The following EPC2 variants were observed in gnomAD, a reference collection of about 807,000 sequenced individuals.
The protein encoded by EPC2 is enhancer of polycomb homolog 2.
A neutral mutation model predicts 92.1 loss-of-function variants in EPC2; 14 were observed. That is an observed-to-expected ratio of 0.15 (90% CI 0.10 to 0.24). The LOEUF (loss-of-function observed/expected upper bound fraction) is 0.24. EPC2 is among the 10% of genes least tolerant of loss of function. EPC2 has a pLI of 1.00. For synonymous variants in EPC2, 340 were observed against 334.7 expected (o/e 1.02, Z -0.17); for missense variants, 755 against 971.5 (o/e 0.78, Z 2.96).
intron 2 of EPC2, among the ~76,000 whole-genome samples, chr2:148,739,044 C>G (rs925978393): frequency 6.6e-6 from 1 of 152,142 alleles, no homozygotes; most frequent in African/African-American, 2.4e-5. Context: ...GAACATGTAC[C>G]CAGAAGCTGT....
intron 1 of EPC2, among the ~76,000 whole-genome samples, chr2:148,658,438 C>T (rs1680851323): frequency 6.6e-6 from 1 of 152,020 alleles, no homozygotes; most frequent in South Asian, 2.1e-4. Context: ...CAGAGTGTCA[C>T]CTTGTTTGAC....
chr2:148,678,457 G>A (rs7596487), intron 1 of EPC2, among the ~76,000 whole-genome samples: 27,158 of 152,250 alleles, frequency 0.18, 3,495 homozygotes, highest in East Asian at 0.48. Flanking sequence ...AGGGGGTGGC[G>A]CTTGTTGAGG....
At chr2:148,769,371 A>C (rs1333795931) in intron 8 of EPC2, 131 bp downstream of exon 8, 1 of 661,656 alleles carries the variant, frequency 1.5e-6, no homozygotes, top group African/African-American at 1.8e-5. Flanking sequence ...CTTTATGTGG[A>C]TACTGGTAAA....
chr2:148,768,984 C>A (rs1467034706), intron 7 of EPC2, among the ~76,000 whole-genome samples, 167 bp from the exon 8 acceptor site: 1 of 152,160 alleles, frequency 6.6e-6, no homozygotes, highest in Non-Finnish European at 1.5e-5. Context: ...TGATTTTTAA[C>A]TATAGAAAAT....
intron 1 of EPC2, among the ~76,000 whole-genome samples, chr2:148,673,281 G>T (rs903278106): frequency 1.3e-5 from 2 of 152,090 alleles, no homozygotes; most frequent in African/African-American, 4.8e-5. Flanking sequence ...TAAGCTCTCT[G>T]TCCCTTCTCT....
intron 3 of EPC2, 69 bp downstream of exon 3, chr2:148,743,836 T>C (rs1682930423): frequency 8.2e-7 from 1 of 1,221,618 alleles, no homozygotes. Flanking sequence ...AAGACCTGAG[T>C]GTGTTGCATT....
At chr2:148,761,344 C>T (rs1442560587) in intron 4 of EPC2, among the ~76,000 whole-genome samples, 2 of 152,130 alleles carry the variant, frequency 1.3e-5, no homozygotes, top group Non-Finnish European at 2.9e-5. Flanking sequence ...AACCATCCAG[C>T]CCCCAGTTAC....
intron 2 of EPC2, among the ~76,000 whole-genome samples, chr2:148,727,623 T>C (rs1197237440): frequency 6.6e-6 from 1 of 152,232 alleles, no homozygotes; most frequent in Non-Finnish European, 1.5e-5. Flanking sequence ...CTGGTTAAGC[T>C]AAGGTATTGC....
At chr2:148,771,802 A>T (rs1375643645) in intron 10 of EPC2, among the ~76,000 whole-genome samples, 1 of 144,882 alleles carries the variant, frequency 6.9e-6, no homozygotes, top group African/African-American at 2.5e-5. Flanking sequence ...CCTGTGAATA[A>T]TTTTTTTTTT....
chr2:148,645,423 G>A, intron 1 of EPC2: 1 of 423,796 alleles, frequency 2.4e-6, no homozygotes, highest in Non-Finnish European at 4.3e-6. Flanking sequence ...AGGGGGCCTT[G>A]CCGTAAGCGG....
At chr2:148,710,310 C>T (rs1255333890) in intron 2 of EPC2, among the ~76,000 whole-genome samples, 1 of 152,228 alleles carries the variant, frequency 6.6e-6, no homozygotes, top group African/African-American at 2.4e-5. Context: ...TGCCATCTCA[C>T]ACCAGTTAGA....
intron 1 of EPC2, among the ~76,000 whole-genome samples, chr2:148,659,361 G>A (rs890403702): frequency 1.4e-4 from 21 of 152,112 alleles, no homozygotes; most frequent in Admixed American, 7.2e-4. Context: ...AGTTGATAAT[G>A]CAGATTGCTT....
chr2:148,767,978 A>C (rs1683448855), intron 7 of EPC2, among the ~76,000 whole-genome samples: 1 of 152,196 alleles, frequency 6.6e-6, no homozygotes, highest in Non-Finnish European at 1.5e-5. Flanking sequence ...TTCCCCATGA[A>C]GAAGATTCAG....
At chr2:148,755,076 C>T (rs1173101891) in intron 4 of EPC2, among the ~76,000 whole-genome samples, 1 of 152,152 alleles carries the variant, frequency 6.6e-6, no homozygotes, top group Admixed American at 6.5e-5. Context: ...AGCATGACAG[C>T]TGCCAAGGAT....
At chr2:148,755,293 T>G (rs1296826390) in intron 4 of EPC2, among the ~76,000 whole-genome samples, 1 of 152,110 alleles carries the variant, frequency 6.6e-6, no homozygotes, top group Non-Finnish European at 1.5e-5. Context: ...TTTCTAAGAC[T>G]GAAACAAGAT....
chr2:148,770,796 G>A lies in EPC2; in HGVS notation c.1235G>A (p.Arg412His), dbSNP rs373763027. The A allele has an allele frequency of 1.6e-5, 26 of 1,604,550 alleles. No individual in the cohort carries two copies. The African/African-American group carries it at 2.3e-4, about 14-fold the overall frequency. Residue 412 changes from arginine (R) to histidine (H), a missense_variant, in exon 9 of 14, where the codon CGT becomes CAT. Physicochemically the swap from Arg to His is conservative, Grantham distance 29 (BLOSUM62 0). This residue lies in a region of EPC2 where 509 missense variants were observed against 607.7 expected (regional missense o/e 0.84). Transcript: ENST00000258484. Reference sequence around the variant, plus strand: ...TTGTTTTTTCTTTCTTTGCAGCCTCGTTTGGACCAAGCTAACCATTCATGT... The same window carrying A: ...TTGTTTTTTCTTTCTTTGCAGCCTCATTTGGACCAAGCTAACCATTCATGT... ...RRAGCQYYAP[R>H]LDQANHSCEN...
chr2:148,712,842 C>G (rs1682177160), intron 2 of EPC2, among the ~76,000 whole-genome samples: 1 of 152,054 alleles, frequency 6.6e-6, no homozygotes, highest in Non-Finnish European at 1.5e-5. Context: ...ATGATCACTC[C>G]ACTGCACTCC....
chr2:148,729,565 T>G lies in EPC2; in HGVS notation c.314-14057T>G, dbSNP rs573739911. ...GAAGTTGGGTATCTTTTCATCTGTTTAGGAGCCATTTGCATTTTTACCTTC... is the reference window on the plus strand; with the variant it reads ...GAAGTTGGGTATCTTTTCATCTGTTGAGGAGCCATTTGCATTTTTACCTTC... On this transcript the variant is annotated intron_variant, in intron 2 of 13. Transcript: ENST00000258484. Among the ~76,000 whole-genome samples the G allele has an allele frequency of 3.9e-5, 6 of 152,328 alleles. No individual in the cohort carries two copies. In the East Asian group the frequency reaches 9.6e-4, roughly 24 times the overall value.
rs146498011 is a variant in EPC2, at chr2:148,721,501, A to G, written c.314-22121A>G. ...TTACCTTTGATTTTCTGATGTTTGA[A>G]TATCATATGCCTAACTATAGGGTGG... On this transcript the variant is annotated intron_variant, in intron 2 of 13. Transcript: ENST00000258484. Among the ~76,000 whole-genome samples the G allele has an allele frequency of 6.6e-4, 101 of 151,888 alleles. 1 individual carries two copies. Among genetic ancestry groups the G allele is most frequent in the African/African-American group, 2.4e-3 (99 of 41,422 alleles).
Sources: gnomAD v4.1 joint callset for allele counts (sites outside exome capture counted in the v4.1 genomes callset) on GRCh38, gnomAD v4.1.1 for gene constraint, gnomAD v4.1.1 regional missense constraint, MANE v1.5 for transcripts, NCBI Gene and HGNC (gene_info 2026-07-23, HGNC 2026-07-21) for gene names.